Variants in MS4A6E observed in about 807,000 individuals in gnomAD.
The protein encoded by MS4A6E is membrane-spanning 4-domains subfamily A member 6E.
MS4A6E carries 8 observed loss-of-function variants against 13.2 expected under a neutral mutation model. The observed-to-expected ratio is 0.60, with a 90% confidence interval of 0.35 to 1.09. The LOEUF (loss-of-function observed/expected upper bound fraction) is 1.09. Ranked by LOEUF, MS4A6E falls within the 50% of genes least tolerant of loss-of-function variation. The pLI, the probability that MS4A6E is intolerant of heterozygous loss-of-function variation, is 0.02. For missense variants in MS4A6E, 177 were observed against 171.1 expected (o/e 1.03, Z -0.19); for synonymous variants, 72 against 67.6 (o/e 1.06, Z -0.32).
downstream of MS4A6E, among the ~76,000 whole-genome samples, chr11:60,346,303 T>G (rs2085256116): frequency 6.6e-6 from 1 of 152,216 alleles, no homozygotes; most frequent in Non-Finnish European, 1.5e-5. Flanking sequence ...AAACAGCTAC[T>G]GGAGGCTCTG....
At chr11:60,347,472 GC>G (rs1240702196) in intron 4 of MS4A6E, among the ~76,000 whole-genome samples, 2 of 151,236 alleles carry the variant, frequency 1.3e-5, no homozygotes, top group African/African-American at 2.4e-5. Flanking sequence ...AATATGAGAT[GC>G]TTTTTTTTTC....
At chr11:60,338,955 G>A (rs2085206519) in intron 3 of MS4A6E, among the ~76,000 whole-genome samples, 1 of 152,192 alleles carries the variant, frequency 6.6e-6, no homozygotes, top group African/African-American at 2.4e-5. Flanking sequence ...AGAAATTTGG[G>A]AGAAATTTGG....
chr11:60,336,513 C>T (rs1420244730), intron 2 of MS4A6E, among the ~76,000 whole-genome samples: 1 of 152,086 alleles, frequency 6.6e-6, no homozygotes, highest in African/African-American at 2.4e-5. Flanking sequence ...CCAGAGACAT[C>T]GAGGCTTTAG....
chr11:60,342,196 AG>A (rs869124288), downstream of MS4A6E, among the ~76,000 whole-genome samples: 31,460 of 117,544 alleles, frequency 0.27, 4,336 homozygotes, highest in Non-Finnish European at 0.33. Context: ...AGAGAGAGAG[AG>A]AGAGGGGGGG....
At chr11:60,335,595 A>C (rs558302747) in intron 2 of MS4A6E, 8 of 455,714 alleles carry the variant, frequency 1.8e-5, no homozygotes, top group South Asian at 1.1e-4. Flanking sequence ...TTGGATTGGG[A>C]GGGAAACACA....
chr11:60,343,205 T>G (rs2085239179), downstream of MS4A6E, among the ~76,000 whole-genome samples: 1 of 152,200 alleles, frequency 6.6e-6, no homozygotes, highest in Non-Finnish European at 1.5e-5. Context: ...AGATTACCAT[T>G]ATTAGTGGGG....
At chr11:60,347,803 C>A (rs972610165) in intron 4 of MS4A6E, among the ~76,000 whole-genome samples, 1 of 152,094 alleles carries the variant, frequency 6.6e-6, no homozygotes, top group Non-Finnish European at 1.5e-5. Context: ...ACCCATGCAG[C>A]CCTAGTTCTC....
intron 1 of MS4A6E, among the ~76,000 whole-genome samples, chr11:60,332,967 CTTAA>C (rs1223243126): frequency 6.6e-6 from 1 of 152,196 alleles, no homozygotes; most frequent in Non-Finnish European, 1.5e-5. Flanking sequence ...CTTCATTTTG[CTTAA>C]TTGTCACTTT....
chr11:60,345,781 G>A (rs2085253624), downstream of MS4A6E, among the ~76,000 whole-genome samples: 3 of 152,192 alleles, frequency 2.0e-5, no homozygotes, highest in Admixed American at 2.0e-4. Flanking sequence ...GGTTAATTTG[G>A]TGGCTTCTGG....
intron 3 of MS4A6E, among the ~76,000 whole-genome samples, 155 bp downstream of exon 3, chr11:60,338,102 T>C (rs930925280): frequency 1.3e-5 from 2 of 152,112 alleles, no homozygotes; most frequent in Admixed American, 6.5e-5. Flanking sequence ...GCTGCATGGA[T>C]GAGATTAAGG....
chr11:60,346,344 G>C (rs1590779112), intron 4 of MS4A6E, among the ~76,000 whole-genome samples: 1 of 152,078 alleles, frequency 6.6e-6, no homozygotes, highest in African/African-American at 2.4e-5. Flanking sequence ...TCTTTCTCTT[G>C]GGCATCCTCC....
downstream of MS4A6E, among the ~76,000 whole-genome samples, chr11:60,344,084 C>T (rs886373080): frequency 2.0e-5 from 3 of 152,142 alleles, no homozygotes; most frequent in African/African-American, 7.2e-5. Context: ...ACATGCTCAA[C>T]CAACTCAGAG....
downstream of MS4A6E, among the ~76,000 whole-genome samples, chr11:60,342,100 T>C (rs1045700729): frequency 2.0e-5 from 3 of 147,376 alleles, no homozygotes. Context: ...GAGCACAGAA[T>C]AAAGAATATC....
At chr11:60,335,672 A>C (rs1027066834) in intron 2 of MS4A6E, 3 of 436,052 alleles carry the variant, frequency 6.9e-6, no homozygotes, top group African/African-American at 6.1e-5. Context: ...GTTTGACTGG[A>C]TTTCAGGACC....
At chr11:60,340,080 T>C in intron 4 of MS4A6E, 116 bp downstream of exon 4, 2 of 1,476,452 alleles carry the variant, frequency 1.4e-6, no homozygotes, top group Non-Finnish European at 9.2e-7. Context: ...GAGATACACA[T>C]GGGAGGTCAT....
At position 60,337,822 on chromosome 11, in the gene MS4A6E, G is replaced by A. The variant is rs1388368123; in HGVS notation, c.229G>A (p.Ala77Thr). 3.1e-6 allele frequency: 5 copies of A among 1,614,066 alleles called. No homozygotes were observed. Among genetic ancestry groups the A allele is most frequent in the Non-Finnish European group, 2.5e-6 (3 of 1,180,044 alleles). The change falls in exon 3 of 5, where the codon GCA (alanine) becomes ACA (threonine). Residue 77 changes from alanine to threonine, a missense_variant. Ala to Thr is a moderately conservative substitution (Grantham distance 58, BLOSUM62 0). Transcript: ENST00000684409. ...CATTCTCCTGTCTGTCAACCCGGCT[G>A]CATTAAATCCTGCCTCATTGCAGTG... ...GFILLSVNPA[A>T]LNPASLQCKL...
intron 1 of MS4A6E, among the ~76,000 whole-genome samples, chr11:60,333,917 G>C (rs769017361): frequency 4.6e-5 from 7 of 152,168 alleles, no homozygotes; most frequent in African/African-American, 7.2e-5. Flanking sequence ...TGAGTGCAGA[G>C]CCAGGAAAAG....
intron 1 of MS4A6E, among the ~76,000 whole-genome samples, chr11:60,330,188 T>C (rs1469668053): frequency 1.3e-5 from 2 of 150,506 alleles, no homozygotes; most frequent in African/African-American, 4.9e-5. Context: ...AAGTTCCTTG[T>C]AGATTCTGGA....
chr11:60,337,404 T>A (rs1335520466), intron 2 of MS4A6E, among the ~76,000 whole-genome samples: 1 of 152,122 alleles, frequency 6.6e-6, no homozygotes, highest in African/African-American at 2.4e-5. Context: ...CATTGCCACC[T>A]TTGCTTGTGG....
Sources: allele counts gnomAD v4.1 joint callset (sites outside exome capture counted in the v4.1 genomes callset), GRCh38; gene constraint gnomAD v4.1.1; transcripts MANE v1.5; gene names NCBI Gene and HGNC (gene_info 2026-07-23, HGNC 2026-07-21).